CD99L2: variants seen among roughly 807,000 people sequenced by gnomAD.
The protein encoded by CD99L2 is CD99 antigen-like protein 2.
CD99L2 carries 24 observed loss-of-function variants against 27.3 expected under a neutral mutation model. That is an observed-to-expected ratio of 0.88 (90% CI 0.64 to 1.24). The LOEUF (loss-of-function observed/expected upper bound fraction) is 1.24, where lower values mean the gene tolerates loss of function less well. CD99L2 is among the 50% of genes most tolerant of loss of function. The pLI, the probability that CD99L2 is intolerant of heterozygous loss-of-function variation, is 0.00. For missense variants in CD99L2, 255 were observed against 221.6 expected, an observed-to-expected ratio of 1.15 and a Z score of -0.96; for synonymous variants, 97 against 87.9, an observed-to-expected ratio of 1.10 and a Z score of -0.58.
At chrX:150,846,746 G>C (rs1216242234) in intron 1 of CD99L2, among the ~76,000 whole-genome samples, 1 of 111,680 alleles carries the variant, frequency 9.0e-6, no homozygotes, top group Admixed American at 9.5e-5. Context: ...CCCAGTGCTT[G>C]ATAAGCCTTT....
At chrX:150,861,916 A>AG (rs2046984615) in intron 1 of CD99L2, among the ~76,000 whole-genome samples, 2 of 96,541 alleles carry the variant, frequency 2.1e-5, no homozygotes, top group African/African-American at 3.9e-5. Flanking sequence ...AAAAAAAAAA[A>AG]AAGAGAGAGA....
At chrX:150,769,694 G>A (rs1021729487) in intron 10 of CD99L2, among the ~76,000 whole-genome samples, 1 of 77,868 alleles carries the variant, frequency 1.3e-5, no homozygotes, top group Non-Finnish European at 2.0e-5. Context: ...ACCAGGCCTC[G>A]GCTGCTCCCC....
intron 4 of CD99L2, among the ~76,000 whole-genome samples, chrX:150,803,968 G>A (rs1277378734): frequency 8.9e-6 from 1 of 112,243 alleles, no homozygotes; most frequent in Non-Finnish European, 1.9e-5. Flanking sequence ...TTAAGAAGAT[G>A]AAAATATTCC....
intron 1 of CD99L2, among the ~76,000 whole-genome samples, chrX:150,871,820 C>A (rs1405597215): frequency 8.9e-6 from 1 of 112,160 alleles, no homozygotes; most frequent in Non-Finnish European, 1.9e-5. Context: ...CTGACACATA[C>A]AGTACGGCTG....
Position 150,807,894 on chromosome X carries a change from A to G in CD99L2, c.277+6968T>C, listed in dbSNP as rs782386821. ...AGAGTATGAATGGTTTAGAATCTGT[A>G]TATTTCACTAGTGGGATTTAAGGGT... On this transcript the variant is annotated intron_variant, in intron 4 of 10. Transcript: ENST00000370377. Among the ~76,000 whole-genome samples, 5 of 112,615 alleles carry G rather than the reference A, an allele frequency of 4.4e-5. No homozygotes were observed. In the South Asian group the frequency reaches 1.8e-3, roughly 41 times the overall value.
At chrX:150,863,163 C>T (rs1254534283) in intron 1 of CD99L2, among the ~76,000 whole-genome samples, 6 of 112,111 alleles carry the variant, frequency 5.4e-5, no homozygotes, top group African/African-American at 1.9e-4. Flanking sequence ...ATGAACATTA[C>T]ACCATGGTTC....
At chrX:150,864,578 G>T (rs1380072267) in intron 1 of CD99L2, among the ~76,000 whole-genome samples, 1 of 112,204 alleles carries the variant, frequency 8.9e-6, no homozygotes, top group Non-Finnish European at 1.9e-5. Flanking sequence ...GCTTGCTGCT[G>T]CACTGACTGT....
chrX:150,891,760 G>A (rs1469966917), intron 1 of CD99L2, among the ~76,000 whole-genome samples: 8 of 111,695 alleles, frequency 7.2e-5, no homozygotes, highest in African/African-American at 2.0e-4. Context: ...TTCTTGATAG[G>A]TGTCTACGAT....
At chrX:150,796,557 G>A (rs904388089) in intron 4 of CD99L2, among the ~76,000 whole-genome samples, 5 of 112,187 alleles carry the variant, frequency 4.5e-5, no homozygotes, top group African/African-American at 1.6e-4. Context: ...TATAGTTGGG[G>A]ACTTCAACAC....
chrX:150,844,117 G>A (rs1334860765), intron 1 of CD99L2, among the ~76,000 whole-genome samples: 2 of 112,052 alleles, frequency 1.8e-5, no homozygotes, highest in African/African-American at 3.2e-5. Context: ...GCTAATGGAC[G>A]GGTGGGGAGC....
At position 150,814,900 on chromosome X, in the gene CD99L2, T is replaced by C. The variant is rs2046129522; in HGVS notation, c.239A>G (p.Gln80Arg). ...ACCCGGTTTCCTGCGGCCATCATCT[T>C]GATCATCCAAAGCATCAGCCAAGTC... The part of the protein sequence containing the change: ...GLDLADALDD[Q>R]DDGRRKPGIG... Residue 80 changes from glutamine to arginine, a missense_variant, in exon 4 of 11, where the codon CAA (glutamine) becomes CGA (arginine). Transcript: ENST00000370377. 4 of 1,209,644 alleles carry C rather than the reference T, an allele frequency of 3.3e-6. No homozygotes were observed. Among genetic ancestry groups the C allele is most frequent in the East Asian group, 3.0e-5 (1 of 33,770 alleles).
chrX:150,814,796 G>T, intron 4 of CD99L2, 66 bp downstream of exon 4: 1 of 1,011,469 alleles, frequency 9.9e-7, no homozygotes, highest in Non-Finnish European at 1.4e-6. Flanking sequence ...CTCTGGCTCT[G>T]TGGGATGTTG....
In CD99L2 at chrX:150,881,808, C is replaced by T. The variant is rs782517508; in HGVS notation, c.67+16714G>A. On this transcript the variant is annotated intron_variant, in intron 1 of 10. Transcript: ENST00000370377. ...GGCTCCCTTTGTACCTGACAGTACT[C>T]TTTCCAATTTTTTTTTTTTTTTTTT... Among the ~76,000 whole-genome samples the T allele has an allele frequency of 8.4e-3, 892 of 105,626 alleles. 11 individuals carry two copies. Among genetic ancestry groups the T allele is most frequent in the African/African-American group, 0.012 (328 of 27,990 alleles). 91.7% of individuals were successfully genotyped at this position (105,626 alleles called of 115,157 possible).
chrX:150,867,753 C>T (rs1402776906), intron 1 of CD99L2, among the ~76,000 whole-genome samples: 6 of 109,585 alleles, frequency 5.5e-5, no homozygotes, highest in Non-Finnish European at 1.1e-4. Flanking sequence ...ACTAGCTGGG[C>T]GTGGTGGCAT....
intron 1 of CD99L2, among the ~76,000 whole-genome samples, chrX:150,879,750 T>TA (rs60706288): frequency 0.085 from 1,650 of 19,397 alleles, 254 homozygotes; most frequent in Non-Finnish European, 0.11. Flanking sequence ...CTACAAAAAC[T>TA]AAAAAAAAAA....
rs1187863861 is a variant in CD99L2, at chrX:150,877,346, T to G, written c.67+21176A>C. 6.3e-5 allele frequency among the ~76,000 whole-genome samples: 7 copies of G among 111,044 alleles called. No homozygotes were observed. In the East Asian group the frequency reaches 1.1e-3, roughly 18 times the overall value. On this transcript the variant is annotated intron_variant, in intron 1 of 10. Coordinates refer to ENST00000370377, the MANE Select transcript of CD99L2 (RefSeq NM_031462.4). ...ATCCTTAATGTGATAAAAATACATATCACAAACTAAAGTCAAGAACAAGCA... is the reference window on the plus strand; with the variant it reads ...ATCCTTAATGTGATAAAAATACATAGCACAAACTAAAGTCAAGAACAAGCA...
intron 4 of CD99L2, among the ~76,000 whole-genome samples, chrX:150,806,490 C>CA (rs2045995835): frequency 9.0e-6 from 1 of 111,525 alleles, no homozygotes; most frequent in African/African-American, 3.3e-5. Flanking sequence ...ATTTCTGATG[C>CA]AAAAAAAGGT....
At chrX:150,871,511 G>T (rs1014654238) in intron 1 of CD99L2, among the ~76,000 whole-genome samples, 2 of 111,824 alleles carry the variant, frequency 1.8e-5, no homozygotes, top group Non-Finnish European at 3.8e-5. Flanking sequence ...TGGTGCAGAG[G>T]AACTGGAACT....
At chrX:150,898,406 G>T in intron 1 of CD99L2, 116 bp downstream of exon 1, 1 of 553,239 alleles carries the variant, frequency 1.8e-6, no homozygotes, top group Non-Finnish European at 2.4e-6. Context: ...GGGCCGGCCG[G>T]TGGCAGCCAC....
Sources: allele counts gnomAD v4.1 joint callset (sites outside exome capture counted in the v4.1 genomes callset), GRCh38; gene constraint gnomAD v4.1.1; transcripts MANE v1.5; gene names NCBI Gene and HGNC (gene_info 2026-07-23, HGNC 2026-07-21).